The following DNAAF5 variants were observed in gnomAD, a reference collection of about 807,000 sequenced individuals.
The protein encoded by DNAAF5 is dynein axonemal assembly factor 5, also known as HEAT repeat containing 2.
DNAAF5 carries 64 observed loss-of-function variants against 75.8 expected under a neutral mutation model. That is an observed-to-expected ratio of 0.84 (90% CI 0.69 to 1.04). The LOEUF is 1.04. DNAAF5 is among the 50% of genes least tolerant of loss of function. The pLI is 0.00. For synonymous variants in DNAAF5, 657 were observed against 557.2 expected (o/e 1.18, Z -2.52); for missense variants, 1,269 against 1,178.5 (o/e 1.08, Z -1.12).
In DNAAF5 at chr7:785,806, A is replaced by G; in HGVS notation, c.*153A>G. 2 of 785,274 alleles carry G rather than the reference A, an allele frequency of 2.5e-6. No homozygotes were observed. The highest frequency in any genetic ancestry group is 2.8e-5 in the East Asian group (1 of 36,134). 48.6% of individuals were successfully genotyped at this position (785,274 alleles called of 1,614,324 possible). ...GACACCTGCCCACTCTTTCCCTGGA[A>G]TAACAGCCTCTGAGTGGATTCTGCA... On this transcript the variant is annotated 3_prime_UTR_variant, in exon 13 of 13. Transcript: ENST00000297440.
chr7:753,504 C>A (rs1424906000), intron 4 of DNAAF5, among the ~76,000 whole-genome samples: 1 of 152,238 alleles, frequency 6.6e-6, no homozygotes, highest in Non-Finnish European at 1.5e-5. Context: ...GCAGCTGTCA[C>A]CCCCACCATG....
chr7:729,813 A>G lies in DNAAF5; in HGVS notation c.746A>G (p.His249Arg). ...AAGTCCGTGGACGACGTGCTTTCCCATTTTGCTCAGCGACTGTTTGATGAC... is the reference window on the plus strand; with the variant it reads ...AAGTCCGTGGACGACGTGCTTTCCCGTTTTGCTCAGCGACTGTTTGATGAC... ...NGKSVDDVLS[H>R]FAQRLFDDVP... Residue 249 changes from histidine (H) to arginine (R), a missense_variant, in exon 2 of 13, where the codon CAT becomes CGT. Transcript: ENST00000297440. 6.2e-7 allele frequency: 1 copy of G among 1,614,100 alleles called. No homozygotes were observed.
intron 4 of DNAAF5, among the ~76,000 whole-genome samples, chr7:749,998 C>T (rs975848664): frequency 9.2e-5 from 14 of 152,188 alleles, no homozygotes; most frequent in Non-Finnish European, 4.4e-5. Flanking sequence ...GGTGCCCAGC[C>T]TATGTCTGCT....
chr7:758,630 A>G (rs1394235588), intron 6 of DNAAF5, among the ~76,000 whole-genome samples: 1 of 152,084 alleles, frequency 6.6e-6, no homozygotes, highest in Non-Finnish European at 1.5e-5. Flanking sequence ...CTCCTGAGTC[A>G]CTGGGACTAC....
Position 754,308 on chromosome 7 carries a change from A to G in DNAAF5, c.1025-281A>G, listed in dbSNP as rs1211877750. Among the ~76,000 whole-genome samples the G allele has an allele frequency of 6.6e-6, 1 of 152,124 alleles. No individual in the cohort carries two copies. The highest frequency in any genetic ancestry group is 2.4e-5 in the African/African-American group (1 of 41,424). On this transcript the variant is annotated intron_variant, in intron 4 of 12. Coordinates refer to ENST00000297440, the MANE Select transcript of DNAAF5 (RefSeq NM_017802.4). This position sits in a 1 kb window ranked among gnomAD's most constrained non-coding sequence, Gnocchi z 4.8. ...CCTGGCTAATCTTCCTGTTTTTTAT[A>G]GAGATGGGGTCTTTGCCATGTTGCC...
At chr7:741,568 C>G in intron 4 of DNAAF5, 103 bp downstream of exon 4, 1 of 733,796 alleles carries the variant, frequency 1.4e-6, no homozygotes, top group Non-Finnish European at 2.3e-6. Context: ...AGTTCTGAGC[C>G]CAGGCGGCCG....
Position 785,682 on chromosome 7 carries a change from T to G in DNAAF5, c.*29T>G. 1.2e-6 allele frequency: 2 copies of G among 1,606,326 alleles called. No homozygotes were observed. Among genetic ancestry groups the G allele is most frequent in the Non-Finnish European group, 1.7e-6 (2 of 1,176,060 alleles). On this transcript the variant is annotated 3_prime_UTR_variant, in exon 13 of 13. Transcript: ENST00000297440. ...CGCTGGTTTCAGCCACGGCACACCCTTGTCCCCACCTGAGCCAGAGTTTGT... is the reference window on the plus strand; with the variant it reads ...CGCTGGTTTCAGCCACGGCACACCCGTGTCCCCACCTGAGCCAGAGTTTGT...
chr7:762,903 C>T lies in DNAAF5; in HGVS notation c.1615-903C>T, dbSNP rs1045166018. On this transcript the variant is annotated intron_variant, in intron 7 of 12. Coordinates refer to ENST00000297440, the MANE Select transcript of DNAAF5 (RefSeq NM_017802.4). The stretch of plus-strand genomic sequence containing the variant: ...GGCTGGGATCATAGGCATGAGCCAC[C>T]GCACCTGGCCATTATGCCCAAAAAT... 3.3e-5 allele frequency among the ~76,000 whole-genome samples: 5 copies of T among 152,322 alleles called. No individual in the cohort carries two copies. The East Asian group carries it at 5.8e-4, about 18-fold the overall frequency.
chr7:785,440 A>G, intron 12 of DNAAF5, 77 bp from the exon 13 acceptor site: 4 of 1,548,086 alleles, frequency 2.6e-6, no homozygotes, highest in Non-Finnish European at 3.5e-6. Flanking sequence ...ACTTCACTAC[A>G]AAGCCAATTT....
At chr7:764,898 T>C (rs1035187872) in intron 8 of DNAAF5, among the ~76,000 whole-genome samples, 2 of 151,894 alleles carry the variant, frequency 1.3e-5, no homozygotes, top group African/African-American at 4.8e-5. Flanking sequence ...CGGCAAGAGC[T>C]CATCTCTACA....
chr7:774,287 G>GGGCA, intron 10 of DNAAF5, 89 bp downstream of exon 10: 1 of 1,371,218 alleles, frequency 7.3e-7, no homozygotes, highest in Middle Eastern at 2.6e-4. Context: ...GCAGGAACTT[G>GGGCA]GGCAGGCAGC....
Position 727,034 on chromosome 7 carries a change from G to T in DNAAF5, c.314G>T (p.Arg105Leu). ...GTGCACCTGCTGGATCTGGGCCTGC[G>T]CCGCGCCGCGCGGCCCCGCGATGCC... ...LAVHLLDLGLRRAARPRDALP... is the reference protein window; with the variant it reads ...LAVHLLDLGLLRAARPRDALP... The change falls in exon 1 of 13, where the codon CGC becomes CTC. Residue 105 changes from arginine (R) to leucine (L), a missense_variant. Coordinates refer to ENST00000297440, the MANE Select transcript of DNAAF5 (RefSeq NM_017802.4). The T allele has an allele frequency of 4.4e-6, 5 of 1,131,018 alleles. No homozygotes were observed. Among genetic ancestry groups the T allele is most frequent in the Non-Finnish European group, 5.4e-6 (5 of 924,422 alleles). 70.1% of individuals were successfully genotyped at this position (1,131,018 alleles called of 1,614,324 possible).
At position 774,082 on chromosome 7, in the gene DNAAF5, G is replaced by A; in HGVS notation, c.1966G>A (p.Asp656Asn). ...CAGCTACCTCGAGACGGTGACAAAG[G>A]ACATCCTGGCCCCCAATCTGCAGTG... ...FPSYLETVTK[D>N]ILAPNLQWHA... The change falls in exon 10 of 13, where the codon GAC becomes AAC. Residue 656 changes from aspartate to asparagine, a missense_variant. Asp to Asn is a conservative substitution (Grantham distance 23). Transcript: ENST00000297440. 1 of 1,613,988 alleles carries A rather than the reference G, an allele frequency of 6.2e-7. No individual in the cohort carries two copies. The highest frequency in any genetic ancestry group is 8.5e-7 in the Non-Finnish European group (1 of 1,180,016).
chr7:736,846 T>TG lies in DNAAF5; in HGVS notation c.781-3973_781-3972insG, dbSNP rs545923382. On this transcript the variant is annotated intron_variant, in intron 2 of 12. Coordinates refer to ENST00000297440, the MANE Select transcript of DNAAF5 (RefSeq NM_017802.4). ...TCTGGCGGTATGTTTTAATTTCTTT[T>TG]TTGTGTGTGTGTGTATCTGTTGTGG... 9.8e-3 allele frequency among the ~76,000 whole-genome samples: 1,145 copies of TG among 117,094 alleles called. 12 individuals carry two copies. Among genetic ancestry groups the TG allele is most frequent in the Middle Eastern group, 0.062 (14 of 226 alleles). The allele number at this position is 117,094 out of a possible 152,430, so 76.8% of individuals were successfully genotyped here. A position where few individuals can be genotyped will look rare whatever the true frequency, so the allele number is the denominator to read the frequency against.
At chr7:763,601 C>T (rs569817505) in intron 7 of DNAAF5, among the ~76,000 whole-genome samples, 3 of 152,234 alleles carry the variant, frequency 2.0e-5, no homozygotes, top group Non-Finnish European at 2.9e-5. Context: ...TTGGTGTGAA[C>T]GGGATCAGGG....
rs566588440 is a variant in DNAAF5 at position 754,644 on chromosome 7, C to T, written c.1080C>T (p.Ile360=). The T allele has an allele frequency of 3.7e-5, 60 of 1,614,188 alleles. No individual in the cohort carries two copies. Among genetic ancestry groups the T allele is most frequent in the South Asian group, 2.5e-4 (23 of 91,090 alleles). ...TCGTCTTCAGGAACCTCTCCAAGAT[C>T]CTCCCTGCCCTGTGCCACGACATCA... ...RELVFRNLSK[I]LPALCHDITD... Residue 360 remains isoleucine, a synonymous_variant, in exon 5 of 13, where the codon ATC becomes ATT. Coordinates refer to ENST00000297440, the MANE Select transcript of DNAAF5 (RefSeq NM_017802.4). This position sits in a 1 kb window ranked among gnomAD's most constrained non-coding sequence, Gnocchi z 4.8.
chr7:741,157 G>T (rs1781896633), intron 3 of DNAAF5, among the ~76,000 whole-genome samples, 190 bp from the exon 4 acceptor site: 1 of 152,222 alleles, frequency 6.6e-6, no homozygotes, highest in African/African-American at 2.4e-5. Context: ...AGATCAGACG[G>T]CCCCCTTTGT....
At chr7:751,692 G>A (rs1217795156) in intron 4 of DNAAF5, among the ~76,000 whole-genome samples, 2 of 150,902 alleles carry the variant, frequency 1.3e-5, no homozygotes, top group African/African-American at 4.9e-5. Context: ...TGCTGCCTCA[G>A]CCTCTGAGTA....
At chr7:764,045 T>C in intron 8 of DNAAF5, 71 bp downstream of exon 8, 1 of 1,533,724 alleles carries the variant, frequency 6.5e-7, no homozygotes, top group Non-Finnish European at 8.9e-7. Context: ...CCCCAGGTGC[T>C]CAGCAGGTAC....
Sources: gnomAD v4.1 joint callset for allele counts (sites outside exome capture counted in the v4.1 genomes callset) on GRCh38, gnomAD v4.1.1 for gene constraint, Gnocchi (gnomAD v3.1) non-coding constraint, MANE v1.5 for transcripts, NCBI Gene and HGNC (gene_info 2026-07-23, HGNC 2026-07-21) for gene names.